Variants in TBC1D32 observed in about 807,000 individuals in gnomAD.
The protein encoded by TBC1D32 is protein broad-minded.
A neutral mutation model predicts 170.3 loss-of-function variants in TBC1D32; 151 were observed. The observed-to-expected ratio is 0.89, with a 90% CI of 0.78 to 1.01. The LOEUF (loss-of-function observed/expected upper bound fraction) is 1.01, where lower values mean the gene tolerates loss of function less well. Ranked by LOEUF, TBC1D32 falls within the 50% of genes least tolerant of loss-of-function variation. The probability of loss-of-function intolerance (pLI) is 0.00; values close to 1 mark genes in which losing one functional copy is unlikely to be tolerated. For synonymous variants in TBC1D32, 498 were observed against 488.0 expected (o/e 1.02, Z -0.27); for missense variants, 1,464 against 1,457.1 (o/e 1.00, Z -0.08).
chr6:121,311,060 T>C (rs980127464), intron 3 of TBC1D32, among the ~76,000 whole-genome samples: 1 of 152,188 alleles, frequency 6.6e-6, no homozygotes, highest in African/African-American at 2.4e-5. Flanking sequence ...TTCATGTATA[T>C]GAAAACTATT....
chr6:121,241,932 T>G (rs1033195480), intron 18 of TBC1D32, among the ~76,000 whole-genome samples: 1 of 152,210 alleles, frequency 6.6e-6, no homozygotes. Context: ...TACATCCAGA[T>G]GTTTGATATC....
At chr6:121,323,872 G>A (rs929526648) in intron 1 of TBC1D32, among the ~76,000 whole-genome samples, 38 of 152,186 alleles carry the variant, frequency 2.5e-4, no homozygotes, top group African/African-American at 8.4e-4. Context: ...CCCGGGAGGC[G>A]GAGGTTGCAG....
chr6:121,208,741 A>AAAAAAAAC (rs1202641429), intron 21 of TBC1D32, among the ~76,000 whole-genome samples: 6 of 151,014 alleles, frequency 4.0e-5, no homozygotes, highest in African/African-American at 1.2e-4. Flanking sequence ...AAAAAAAAAA[A>AAAAAAAAC]AAAAAACAGA....
intron 26 of TBC1D32, 114 bp from the exon 27 acceptor site, chr6:121,115,355 A>G (rs1779590501): frequency 1.5e-6 from 1 of 678,790 alleles, no homozygotes; most frequent in African/African-American, 1.9e-5. Context: ...TGAATTTTGA[A>G]AACACTGATG....
intron 12 of TBC1D32, among the ~76,000 whole-genome samples, chr6:121,285,842 T>C (rs1219960597): frequency 6.6e-6 from 1 of 152,216 alleles, no homozygotes; most frequent in Admixed American, 6.5e-5. Context: ...ATATCCGCTG[T>C]TCTGCAGCCT....
At chr6:121,273,501 G>GC (rs895294363) in intron 15 of TBC1D32, among the ~76,000 whole-genome samples, 1 of 149,100 alleles carries the variant, frequency 6.7e-6, no homozygotes, top group Admixed American at 6.7e-5. Flanking sequence ...GGGGTTGGGG[G>GC]GGTTAGGGAT....
chr6:121,123,721 G>C (rs1780526865), intron 26 of TBC1D32, among the ~76,000 whole-genome samples: 1 of 151,850 alleles, frequency 6.6e-6, no homozygotes, highest in Non-Finnish European at 1.5e-5. Flanking sequence ...AATTCAGTCT[G>C]TTTACATTCA....
intron 22 of TBC1D32, among the ~76,000 whole-genome samples, chr6:121,189,530 A>AAAATTAT (rs1165865285): frequency 6.6e-6 from 1 of 151,554 alleles, no homozygotes; most frequent in Non-Finnish European, 1.5e-5. Flanking sequence ...TATATATTAT[A>AAAATTAT]AAATGTAAAT....
chr6:121,220,917 A>T (rs949466515), intron 21 of TBC1D32, among the ~76,000 whole-genome samples: 1 of 152,142 alleles, frequency 6.6e-6, no homozygotes, highest in African/African-American at 2.4e-5. Flanking sequence ...CTGGGATTAC[A>T]GGCATGAACA....
At chr6:121,243,162 T>G (rs1427854443) in intron 17 of TBC1D32, among the ~76,000 whole-genome samples, 1 of 151,662 alleles carries the variant, frequency 6.6e-6, no homozygotes, top group Non-Finnish European at 1.5e-5. Flanking sequence ...AAAATATAAT[T>G]ACAAAACACA....
Position 121,106,013 on chromosome 6 carries a change from T to C in TBC1D32, c.3465+10A>G, listed in dbSNP as rs377695087. 1 of 1,595,424 alleles carries C rather than the reference T, an allele frequency of 6.3e-7. No homozygotes were observed. The highest frequency in any genetic ancestry group is 8.6e-7 in the Non-Finnish European group (1 of 1,167,994). On this transcript the variant is annotated intron_variant, in intron 30 of 31. Coordinates refer to ENST00000398212, the MANE Select transcript of TBC1D32 (RefSeq NM_152730.6). ...AGGAGTTGGAGAAATGCTACTCCCT[T>C]ATGGATTACCTGTGATGGTGCAAAA...
chr6:121,300,885 G>A (rs992800637), intron 9 of TBC1D32, among the ~76,000 whole-genome samples: 30 of 152,176 alleles, frequency 2.0e-4, no homozygotes, highest in Non-Finnish European at 1.0e-4. Flanking sequence ...CAAAGGATAT[G>A]AACAGACACT....
At chr6:121,270,040 A>G (rs1342705747) in intron 15 of TBC1D32, among the ~76,000 whole-genome samples, 2 of 152,118 alleles carry the variant, frequency 1.3e-5, no homozygotes, top group Non-Finnish European at 2.9e-5. Context: ...TGAAGGCAGA[A>G]ATAAAGATGT....
chr6:121,194,983 T>A (rs1790539505), intron 22 of TBC1D32, among the ~76,000 whole-genome samples: 1 of 152,196 alleles, frequency 6.6e-6, no homozygotes. Context: ...GGTCCAGTGG[T>A]GTGGGGCCTG....
At chr6:121,242,094 TAACA>T (rs1292456778) in intron 18 of TBC1D32, 103 bp downstream of exon 18, 2 of 1,210,148 alleles carry the variant, frequency 1.7e-6, no homozygotes, top group Non-Finnish European at 2.3e-6. Flanking sequence ...TATGGTCTTT[TAACA>T]GAGGCTTAAT....
chr6:121,320,961 A>G (rs1490843846), intron 2 of TBC1D32, among the ~76,000 whole-genome samples: 1 of 152,200 alleles, frequency 6.6e-6, no homozygotes, highest in Non-Finnish European at 1.5e-5. Context: ...CATCCTGCCT[A>G]GGGCTGGTTC....
At chr6:121,133,838 A>G (rs558233586) in intron 24 of TBC1D32, among the ~76,000 whole-genome samples, 1 of 152,220 alleles carries the variant, frequency 6.6e-6, no homozygotes, top group Admixed American at 6.5e-5. Context: ...GATACGTTTC[A>G]CAAATAGCCT....
At chr6:121,264,013 T>C (rs1800119616) in intron 15 of TBC1D32, among the ~76,000 whole-genome samples, 1 of 151,750 alleles carries the variant, frequency 6.6e-6, no homozygotes, top group Non-Finnish European at 1.5e-5. Flanking sequence ...CACCATAACA[T>C]CAAAACTAAA....
Position 121,294,644 on chromosome 6 carries a change from T to A in TBC1D32, c.1157A>T (p.Gln386Leu). 1.2e-6 allele frequency: 2 copies of A among 1,612,046 alleles called. No individual in the cohort carries two copies. The highest frequency in any genetic ancestry group is 1.7e-6 in the Non-Finnish European group (2 of 1,178,992). The part of the protein sequence containing the change: ...KYKSLVTTAI[Q>L]QCVQYFEMCK... ...CATTTCAAAGTACTGAACACACTGT[T>A]GAATGGCTGTAGTTACCTGATGAAA... The change falls in exon 11 of 32, where the codon CAA becomes CTA. Residue 386 changes from glutamine (Q) to leucine (L), a missense_variant. Physicochemically the swap from Gln to Leu is moderately radical, Grantham distance 113. Coordinates refer to ENST00000398212, the MANE Select transcript of TBC1D32 (RefSeq NM_152730.6).
Sources: allele counts gnomAD v4.1 joint callset (sites outside exome capture counted in the v4.1 genomes callset), GRCh38; gene constraint gnomAD v4.1.1; transcripts MANE v1.5; gene names NCBI Gene and HGNC (gene_info 2026-07-23, HGNC 2026-07-21).